RIC8B: variants seen among roughly 807,000 people sequenced by gnomAD.
RIC8B encodes chaperone Ric-8B.
Under a neutral mutation model 57.5 loss-of-function variants are expected in RIC8B, and 16 were observed. The observed-to-expected ratio is 0.28, with a 90% CI of 0.19 to 0.42. The LOEUF (loss-of-function observed/expected upper bound fraction) is 0.42, where lower values mean the gene tolerates loss of function less well. Ranked by LOEUF, RIC8B falls within the 10% of genes least tolerant of loss-of-function variation. RIC8B has a pLI of 1.00. For synonymous variants in RIC8B, 216 were observed against 250.8 expected, an observed-to-expected ratio of 0.86 and a Z score of 1.31; for missense variants, 481 against 677.0, an observed-to-expected ratio of 0.71 and a Z score of 3.21.
intron 8 of RIC8B, among the ~76,000 whole-genome samples, chr12:106,864,698 A>G (rs755712947): frequency 1.6e-4 from 25 of 152,074 alleles, no homozygotes; most frequent in Non-Finnish European, 1.8e-4. Context: ...GTAACATCAA[A>G]TTTGCCATTT....
intron 2 of RIC8B, among the ~76,000 whole-genome samples, chr12:106,806,920 G>A (rs1039303059): frequency 6.6e-6 from 1 of 152,156 alleles, no homozygotes; most frequent in Non-Finnish European, 1.5e-5. Context: ...CATACATTCA[G>A]CTTCCTATTT....
chr12:106,793,117 T>G (rs1453499436), intron 2 of RIC8B, among the ~76,000 whole-genome samples: 1 of 152,180 alleles, frequency 6.6e-6, no homozygotes, highest in African/African-American at 2.4e-5. Context: ...GATGTGACAC[T>G]GCTGAGAATA....
At chr12:106,804,372 G>A (rs577657954) in intron 2 of RIC8B, among the ~76,000 whole-genome samples, 4 of 152,058 alleles carry the variant, frequency 2.6e-5, no homozygotes, top group East Asian at 3.9e-4. Flanking sequence ...CCACTACCAC[G>A]CCCATCTAAT....
intron 2 of RIC8B, among the ~76,000 whole-genome samples, chr12:106,812,309 T>C (rs2045369773): frequency 1.3e-5 from 2 of 152,316 alleles, no homozygotes; most frequent in East Asian, 3.9e-4. Context: ...CTTTAATCTC[T>C]TTCATGTCCC....
At chr12:106,862,270 A>G (rs1388913045) in intron 8 of RIC8B, among the ~76,000 whole-genome samples, 1 of 152,112 alleles carries the variant, frequency 6.6e-6, no homozygotes, top group Non-Finnish European at 1.5e-5. Context: ...GCTCATTATA[A>G]GTATAAATGT....
chr12:106,852,946 A>G (rs1194542021), intron 7 of RIC8B, among the ~76,000 whole-genome samples: 1 of 152,250 alleles, frequency 6.6e-6, no homozygotes, highest in East Asian at 1.9e-4. Context: ...TTTAAAGTGT[A>G]ATTATACATG....
chr12:106,856,690 C>G (rs1949728457), intron 7 of RIC8B, among the ~76,000 whole-genome samples: 1 of 152,182 alleles, frequency 6.6e-6, no homozygotes, highest in African/African-American at 2.4e-5. Flanking sequence ...GTTGAACTTA[C>G]ATTCTAGACA....
chr12:106,864,924 T>C (rs1950079408), intron 8 of RIC8B, among the ~76,000 whole-genome samples: 1 of 152,182 alleles, frequency 6.6e-6, no homozygotes, highest in Non-Finnish European at 1.5e-5. Flanking sequence ...TTTCTCCTTT[T>C]GTTATTGGCT....
intron 9 of RIC8B, chr12:106,874,433 A>G (rs889121839): frequency 7.3e-7 from 1 of 1,364,136 alleles, no homozygotes; most frequent in African/African-American, 1.4e-5. Flanking sequence ...GTTGGAGGTG[A>G]TGTGGCCAAT....
At chr12:106,833,124 A>G (rs1411355194) in intron 4 of RIC8B, among the ~76,000 whole-genome samples, 2 of 152,140 alleles carry the variant, frequency 1.3e-5, no homozygotes, top group East Asian at 3.8e-4. Context: ...AAATATTTTG[A>G]TCATATTCCT....
intron 2 of RIC8B, among the ~76,000 whole-genome samples, chr12:106,803,215 C>CAAAA (rs55853235): frequency 4.3e-4 from 36 of 83,850 alleles, no homozygotes; most frequent in South Asian, 1.6e-3. Flanking sequence ...TACCCTGTCT[C>CAAAA]AAAAAAAAAA....
At chr12:106,852,417 C>T (rs997455328) in intron 7 of RIC8B, among the ~76,000 whole-genome samples, 2 of 152,148 alleles carry the variant, frequency 1.3e-5, no homozygotes, top group African/African-American at 4.8e-5. Flanking sequence ...TTCACTCCTC[C>T]TAAAATCTTA....
intron 8 of RIC8B, among the ~76,000 whole-genome samples, chr12:106,869,447 T>C (rs578155164): frequency 7.3e-6 from 1 of 137,818 alleles, no homozygotes; most frequent in Admixed American, 7.1e-5. Flanking sequence ...GGCCAGTATC[T>C]TTTTTTTTTT....
Position 106,885,593 on chromosome 12 carries a change from G to A in RIC8B, c.1572-311G>A, listed in dbSNP as rs546492597. On this transcript the variant is annotated intron_variant, in intron 9 of 9. Transcript: ENST00000392837. Reference sequence around the variant, plus strand: ...CAATCCACCAAAAAAAAAAAAAAAGGTTAATTATTCAAAACAGAAGAGACC... The same window carrying A: ...CAATCCACCAAAAAAAAAAAAAAAGATTAATTATTCAAAACAGAAGAGACC... 2.8e-4 allele frequency among the ~76,000 whole-genome samples: 42 copies of A among 150,338 alleles called. 1 individual carries two copies. In the East Asian group the frequency reaches 6.0e-3, roughly 22 times the overall value.
chr12:106,777,819 C>T (rs1339909406), intron 1 of RIC8B, among the ~76,000 whole-genome samples: 1 of 152,208 alleles, frequency 6.6e-6, no homozygotes, highest in Non-Finnish European at 1.5e-5. Context: ...AATGCCAACA[C>T]TGGGCACAAT....
chr12:106,794,729 GAA>G (rs1200619448), intron 2 of RIC8B, among the ~76,000 whole-genome samples: 2 of 152,080 alleles, frequency 1.3e-5, no homozygotes, highest in Non-Finnish European at 2.9e-5. Context: ...ACAAAAAACT[GAA>G]AGAATTTGTT....
intron 8 of RIC8B, 33 bp downstream of exon 8, chr12:106,860,445 GGCTGT>G (rs1212716871): frequency 7.0e-7 from 1 of 1,425,820 alleles, no homozygotes. Flanking sequence ...ACCTAACTAT[GGCTGT>G]GCCTTTGAGT....
At chr12:106,786,667 A>G (rs1485482605) in intron 2 of RIC8B, among the ~76,000 whole-genome samples, 3 of 152,230 alleles carry the variant, frequency 2.0e-5, no homozygotes, top group Non-Finnish European at 4.4e-5. Flanking sequence ...CATTGTACAT[A>G]ATAGCAAAAG....
chr12:106,815,651 G>C (rs2045540933), intron 3 of RIC8B, among the ~76,000 whole-genome samples: 1 of 152,184 alleles, frequency 6.6e-6, no homozygotes, highest in Non-Finnish European at 1.5e-5. Flanking sequence ...AGTTGATAAA[G>C]CTATAGGCAT....
Sources: allele counts gnomAD v4.1 joint callset (sites outside exome capture counted in the v4.1 genomes callset), GRCh38; gene constraint gnomAD v4.1.1; transcripts MANE v1.5; gene names NCBI Gene and HGNC (gene_info 2026-07-23, HGNC 2026-07-21).